The following HDAC9 variants were observed in gnomAD, a reference collection of about 807,000 sequenced individuals.
HDAC9 encodes MEF-2 interacting transcription repressor (MITR) protein.
In HDAC9, 41 loss-of-function variants were observed where a neutral mutation model predicts 139.4. The observed-to-expected ratio is 0.29, with a 90% confidence interval of 0.23 to 0.38. The LOEUF is 0.38. HDAC9 is among the 10% of genes least tolerant of loss of function. The pLI is 1.00. For missense variants in HDAC9, 1,147 were observed against 1,297.0 expected (o/e 0.88, Z 1.78); for synonymous variants, 517 against 476.2 (o/e 1.09, Z -1.12).
chr7:18,915,026 T>C (rs1803062691), intron 22 of HDAC9, among the ~76,000 whole-genome samples: 1 of 152,074 alleles, frequency 6.6e-6, no homozygotes, highest in African/African-American at 2.4e-5. Context: ...GATTACAAAA[T>C]CTTGTGTATC....
At chr7:18,234,565 T>G (rs932126949) in intron 2 of HDAC9, among the ~76,000 whole-genome samples, 1 of 152,254 alleles carries the variant, frequency 6.6e-6, no homozygotes, top group Non-Finnish European at 1.5e-5. Flanking sequence ...GCCATCGTTT[T>G]GCAGATTAGG....
chr7:18,894,209 T>A (rs2129273264), intron 22 of HDAC9, among the ~76,000 whole-genome samples: 1 of 152,188 alleles, frequency 6.6e-6, no homozygotes. Flanking sequence ...GAGAGTTAAA[T>A]TTAGTTGTTA....
chr7:18,834,670 C>T (rs921892966), intron 19 of HDAC9, among the ~76,000 whole-genome samples: 7 of 152,110 alleles, frequency 4.6e-5, no homozygotes, highest in Non-Finnish European at 8.8e-5. Context: ...TGCCATCTTT[C>T]TGCTTTGGCC....
intron 23 of HDAC9, chr7:18,949,337 G>A (rs907383143): frequency 4.0e-5 from 10 of 249,974 alleles, no homozygotes; most frequent in African/African-American, 1.2e-4. Flanking sequence ...GAGGCAGCTC[G>A]CTTTCCAGAT....
chr7:18,967,509 A>C (rs533775427), intron 24 of HDAC9, among the ~76,000 whole-genome samples: 1,594 of 130,906 alleles, frequency 0.012, 46 homozygotes, highest in African/African-American at 0.045. Flanking sequence ...CCCCCCCCAA[A>C]AAAAAAAAAG....
intron 1 of HDAC9, among the ~76,000 whole-genome samples, chr7:18,474,055 G>GGA: frequency 6.6e-6 from 1 of 152,152 alleles, no homozygotes; most frequent in Middle Eastern, 3.2e-3. Flanking sequence ...TGGAGGAAGG[G>GGA]GATAGCATGG....
Position 18,593,887 on chromosome 7 carries a change from A to T in HDAC9, c.543-21A>T, listed in dbSNP as rs3814985. The T allele has an allele frequency of 8.9e-3, 14,385 of 1,611,666 alleles. 1,264 individuals are homozygous for T. The East Asian group carries it at 0.22, about 25-fold the overall frequency. On this transcript the variant is annotated intron_variant, in intron 5 of 25. Coordinates refer to ENST00000686413, the MANE Select transcript of HDAC9 (RefSeq NM_178425.4). ...AGTAAAAACTACCAAGTAAATAGTG[A>T]AACTTCCTTGTCTTTTCTAGGGCTG...
At chr7:18,126,221 A>G (rs1328717136) in intron 1 of HDAC9, among the ~76,000 whole-genome samples, 3 of 152,200 alleles carry the variant, frequency 2.0e-5, no homozygotes, top group Non-Finnish European at 4.4e-5. Flanking sequence ...TAGCATTCTT[A>G]TAGCCAATTT....
At chr7:18,957,254 A>G (rs1038649937) in intron 24 of HDAC9, among the ~76,000 whole-genome samples, 5 of 152,152 alleles carry the variant, frequency 3.3e-5, no homozygotes, top group African/African-American at 1.2e-4. Context: ...ATGTGGTTAT[A>G]ACTATGTGTC....
At chr7:18,786,169 A>C (rs891239304) in intron 16 of HDAC9, among the ~76,000 whole-genome samples, 1 of 152,188 alleles carries the variant, frequency 6.6e-6, no homozygotes, top group African/African-American at 2.4e-5. Flanking sequence ...AGTTATGTTT[A>C]ACTCAGCACT....
At chr7:18,697,960 TCTAA>T (rs1485792122) in intron 12 of HDAC9, among the ~76,000 whole-genome samples, 1 of 152,102 alleles carries the variant, frequency 6.6e-6, no homozygotes, top group African/African-American at 2.4e-5. Context: ...TTCAGTGAAC[TCTAA>T]CTACTCATGA....
chr7:18,487,934 TGTG>T (rs996097197), intron 1 of HDAC9, among the ~76,000 whole-genome samples: 6 of 152,022 alleles, frequency 3.9e-5, no homozygotes, highest in African/African-American at 1.2e-4. Context: ...AGCTCTCAAA[TGTG>T]GTATATATTC....
intron 24 of HDAC9, among the ~76,000 whole-genome samples, chr7:18,969,476 A>G (rs1263651448): frequency 1.3e-5 from 2 of 152,226 alleles, no homozygotes; most frequent in Non-Finnish European, 2.9e-5. Flanking sequence ...CAATAGCCAA[A>G]AAATGTTCAA....
chr7:18,357,779 G>C (rs747235047), intron 1 of HDAC9, among the ~76,000 whole-genome samples: 1 of 152,174 alleles, frequency 6.6e-6, no homozygotes, highest in African/African-American at 2.4e-5. Context: ...AGCATGGCTT[G>C]TTGCAGAAAC....
intron 8 of HDAC9, among the ~76,000 whole-genome samples, chr7:18,635,900 ACTGATATGTCT>A (rs1312755048): frequency 2.6e-4 from 40 of 152,088 alleles, no homozygotes; most frequent in Non-Finnish European, 7.4e-5. Context: ...AGTTATTTTG[ACTGATATGTCT>A]CTGTACAGCT....
At chr7:18,973,865 G>A (rs1784397514) in intron 24 of HDAC9, among the ~76,000 whole-genome samples, 1 of 152,108 alleles carries the variant, frequency 6.6e-6, no homozygotes, top group Non-Finnish European at 1.5e-5. Flanking sequence ...TGCCCCCACT[G>A]TTATCACCTT....
At chr7:18,728,840 C>T (rs1785784039) in intron 13 of HDAC9, among the ~76,000 whole-genome samples, 1 of 152,146 alleles carries the variant, frequency 6.6e-6, no homozygotes. Flanking sequence ...CTTTGGTAGG[C>T]ATCTTTAATA....
rs569434115 is a variant in HDAC9, at chr7:18,335,042, T to C, written c.-42+44527T>C. 2.5e-4 allele frequency among the ~76,000 whole-genome samples: 38 copies of C among 151,638 alleles called. 1 individual carries two copies. The highest frequency in any genetic ancestry group is 2.1e-3 in the South Asian group (10 of 4,822). ...TTATTAGAAGAAATTAATCCATAGA[T>C]TTTGAGACTTTCAGACACCTGAAAT... On this transcript the variant is annotated intron_variant, in intron 1 of 3. Transcript: ENST00000413509.
chr7:18,934,434 T>C (rs117926310), intron 22 of HDAC9, among the ~76,000 whole-genome samples: 3,255 of 152,236 alleles, frequency 0.021, 60 homozygotes, highest in Non-Finnish European at 0.033. Flanking sequence ...AGATAATACA[T>C]TATGACCAAG....
Sources: gnomAD v4.1 joint callset for allele counts (sites outside exome capture counted in the v4.1 genomes callset) on GRCh38, gnomAD v4.1.1 for gene constraint, MANE v1.5 for transcripts, NCBI Gene and HGNC (gene_info 2026-07-23, HGNC 2026-07-21) for gene names.